GFPT2: variants seen among roughly 807,000 people sequenced by gnomAD.
GFPT2 encodes glutamine--fructose-6-phosphate aminotransferase [isomerizing] 2.
In GFPT2, 62 loss-of-function variants were observed where a neutral mutation model predicts 85.6. The ratio of observed to expected loss-of-function variants is 0.72; its 90% CI spans 0.59 to 0.90. GFPT2 has a LOEUF of 0.90. Among genes scored for constraint, GFPT2 ranks in the 40% least tolerant of loss-of-function variants. GFPT2 has a pLI of 0.00. For missense variants in GFPT2, 788 were observed against 893.4 expected, an observed-to-expected ratio of 0.88 and a Z score of 1.50; for synonymous variants, 368 against 344.5, an observed-to-expected ratio of 1.07 and a Z score of -0.75.
Position 180,312,439 on chromosome 5 carries a change from A to C in GFPT2, c.1537T>G (p.Ser513Ala), listed in dbSNP as rs780209779. The change falls in exon 15 of 19, where the codon TCT (serine) becomes GCT (alanine). Residue 513 changes from serine to alanine, a missense_variant. Transcript: ENST00000253778. Reference protein sequence around the residue: ...RRQEIIRGLRSLPELIKEVLS... With the variant: ...RRQEIIRGLRALPELIKEVLS... ...GAATTCTAGAACATACCAGGTAAAG[A>C]TCTCAAGCCACGGATGATCTCTTGC... The C allele has an allele frequency of 1.9e-6, 3 of 1,570,332 alleles. No individual in the cohort carries two copies. The highest frequency in any genetic ancestry group is 1.8e-6 in the Non-Finnish European group (2 of 1,139,974).
chr5:180,339,665 C>T (rs1406298674), intron 1 of GFPT2, among the ~76,000 whole-genome samples: 1 of 152,204 alleles, frequency 6.6e-6, no homozygotes, highest in Non-Finnish European at 1.5e-5. Context: ...CCCATCATCC[C>T]TCTGTCCTTT....
In GFPT2 at chr5:180,344,542, A is replaced by G. The variant is rs116093758; in HGVS notation, c.8-5942T>C. 4.5e-3 allele frequency among the ~76,000 whole-genome samples: 683 copies of G among 152,366 alleles called. 5 individuals carry two copies. Among genetic ancestry groups the G allele is most frequent in the African/African-American group, 0.016 (658 of 41,586 alleles). Reference sequence around the variant, plus strand: ...GTTTGGACAGTGGTGTACATGACGCAGACCTGCCTGGTTCACCTGGATTTC... The same window carrying G: ...GTTTGGACAGTGGTGTACATGACGCGGACCTGCCTGGTTCACCTGGATTTC... On this transcript the variant is annotated intron_variant, in intron 1 of 18. Coordinates refer to ENST00000253778, the MANE Select transcript of GFPT2 (RefSeq NM_005110.4).
chr5:180,352,455 C>A (rs1764729246), intron 1 of GFPT2: 2 of 452,596 alleles, frequency 4.4e-6, no homozygotes, highest in East Asian at 1.4e-4. Context: ...CAGATGTGCG[C>A]TCCGGGCCGC....
Position 180,313,478 on chromosome 5 carries a change from T to G in GFPT2, c.1431+329A>C, listed in dbSNP as rs1763936110. 4.0e-5 allele frequency among the ~76,000 whole-genome samples: 6 copies of G among 150,236 alleles called. No homozygotes were observed. The South Asian group carries it at 1.3e-3, about 32-fold the overall frequency. On this transcript the variant is annotated intron_variant, in intron 14 of 18. Transcript: ENST00000253778. ...TGGGGCGGGTGCCTGTAGTCCCAGC[T>G]ACTCGGGAGGCTGAGGCAGGAGAAT...
At chr5:180,314,069 G>A in intron 13 of GFPT2, 105 bp from the exon 14 acceptor site, 1 of 1,143,496 alleles carries the variant, frequency 8.7e-7, no homozygotes, top group Non-Finnish European at 1.2e-6. Flanking sequence ...CGGCGCCCGA[G>A]ACACAGCCAG....
intron 9 of GFPT2, among the ~76,000 whole-genome samples, chr5:180,322,406 A>G (rs1045272381): frequency 4.6e-5 from 7 of 152,132 alleles, no homozygotes; most frequent in Non-Finnish European, 1.0e-4. Flanking sequence ...ACTTCTCCAA[A>G]TATGTTCTAG....
At chr5:180,314,384 T>C (rs919121774) in intron 13 of GFPT2, among the ~76,000 whole-genome samples, 1 of 152,196 alleles carries the variant, frequency 6.6e-6, no homozygotes, top group Non-Finnish European at 1.5e-5. Flanking sequence ...CAAGCAGGAA[T>C]GTCCCCAAGT....
chr5:180,301,266 A>T lies in GFPT2; in HGVS notation c.*298T>A. 2.3e-6 allele frequency: 1 copy of T among 441,748 alleles called. No homozygotes were observed. Among genetic ancestry groups the T allele is most frequent in the South Asian group, 6.5e-5 (1 of 15,438 alleles). 27.4% of individuals were successfully genotyped at this position (441,748 alleles called of 1,614,324 possible). A position where few individuals can be genotyped will look rare whatever the true frequency, so the allele number is the denominator to read the frequency against. Reference sequence around the variant, plus strand: ...AAACTAACTCTAGTGTTGGTTATAAAAGGTTCACAGTTACTCTGAAGAGAG... The same window carrying T: ...AAACTAACTCTAGTGTTGGTTATAATAGGTTCACAGTTACTCTGAAGAGAG... On this transcript the variant is annotated 3_prime_UTR_variant, in exon 19 of 19. Transcript: ENST00000253778.
intron 14 of GFPT2, among the ~76,000 whole-genome samples, chr5:180,313,382 G>A (rs893560575): frequency 1.3e-5 from 2 of 150,656 alleles, no homozygotes; most frequent in Non-Finnish European, 3.0e-5. Context: ...ACGAGGTCAG[G>A]AGATCGAGAC....
At chr5:180,353,096 C>G (rs1764749025) in intron 1 of GFPT2, 115 bp downstream of exon 1, 1 of 876,248 alleles carries the variant, frequency 1.1e-6, no homozygotes, top group African/African-American at 1.7e-5. Context: ...CGGGGCAGAT[C>G]GGCGCCCCCA....
rs1214763664 is a variant in GFPT2 at position 180,330,565 on chromosome 5, C to T, written c.534+135G>A. ...GCTCTGCAGATGGGCTGTCTTTTAT[C>T]CCCAGGACTCTGTGCAAGTTTGTCT... is the stretch of plus-strand genomic sequence containing the variant. On this transcript the variant is annotated intron_variant, in intron 6 of 18. Coordinates refer to ENST00000253778, the MANE Select transcript of GFPT2 (RefSeq NM_005110.4). The surrounding 1 kb of genome is among the most constrained non-coding windows in gnomAD (Gnocchi z 4.4). 2 of 693,892 alleles carry T rather than the reference C, an allele frequency of 2.9e-6. No homozygotes were observed. The highest frequency in any genetic ancestry group is 3.6e-5 in the African/African-American group (2 of 56,038). 43.0% of individuals were successfully genotyped at this position (693,892 alleles called of 1,614,324 possible).
At chr5:180,337,050 T>G (rs948901053) in intron 2 of GFPT2, among the ~76,000 whole-genome samples, 6 of 152,256 alleles carry the variant, frequency 3.9e-5, no homozygotes, top group African/African-American at 1.4e-4. Flanking sequence ...GGCTGCATAA[T>G]TAAACAAGGT....
chr5:180,341,850 G>A (rs982202177), intron 1 of GFPT2, among the ~76,000 whole-genome samples: 1 of 152,128 alleles, frequency 6.6e-6, no homozygotes, highest in African/African-American at 2.4e-5. Context: ...AGGCTCACAC[G>A]ACAGCCCCCA....
intron 9 of GFPT2, 55 bp from the exon 10 acceptor site, chr5:180,319,011 A>C (rs1343028200): frequency 1.9e-6 from 3 of 1,558,378 alleles, no homozygotes; most frequent in Non-Finnish European, 2.6e-6. Flanking sequence ...GTTACGAGGC[A>C]GCAGCCCCTT....
chr5:180,326,225 T>C (rs1764210019), intron 7 of GFPT2, among the ~76,000 whole-genome samples: 1 of 152,170 alleles, frequency 6.6e-6, no homozygotes. Flanking sequence ...CAGGTAAAAG[T>C]GCAGTAGTTA....
chr5:180,304,923 G>A lies in GFPT2; in HGVS notation c.1691C>T (p.Thr564Ile), dbSNP rs1440725801. 1.2e-6 allele frequency: 2 copies of A among 1,609,202 alleles called. No homozygotes were observed. Among genetic ancestry groups the A allele is most frequent in the South Asian group, 1.1e-5 (1 of 91,012 alleles). The part of the protein sequence containing the change: ...LEGALKIKEI[T>I]YMHSEGILAG... ...CAGGATGCCTTCTGAGTGCATGTAG[G>A]TTATCTCTTTAATTTTCTGGAAACA... Residue 564 changes from threonine to isoleucine, a missense_variant, in exon 17 of 19, where the codon ACC becomes ATC. Thr to Ile is a moderately conservative substitution (Grantham distance 89, BLOSUM62 -1). Coordinates refer to ENST00000253778, the MANE Select transcript of GFPT2 (RefSeq NM_005110.4).
In GFPT2 at chr5:180,312,515, C is replaced by T. The variant is rs765408433; in HGVS notation, c.1461G>A (p.Val487=). Residue 487 remains valine (V), a synonymous_variant, in exon 15 of 19, where the codon GTG becomes GTA. Transcript: ENST00000253778. The part of the protein sequence containing the change: ...KAYTSQFISL[V]MFGLMMSEDR... Reference sequence around the variant, plus strand: ...CTTCAGACATCATCAAACCAAACATCACCAGAGAGATGAACTGACTGGTAT... The same window carrying T: ...CTTCAGACATCATCAAACCAAACATTACCAGAGAGATGAACTGACTGGTAT... 1.9e-5 allele frequency: 31 copies of T among 1,605,524 alleles called. No individual in the cohort carries two copies. The South Asian group carries it at 2.0e-4, about 10-fold the overall frequency.
Position 180,338,478 on chromosome 5 carries a change from C to A in GFPT2, c.115+15G>T. On this transcript the variant is annotated intron_variant, in intron 2 of 18. Coordinates refer to ENST00000253778, the MANE Select transcript of GFPT2 (RefSeq NM_005110.4). ...GCCCGGTCCCCAGCCACGAGGCGGGCGGCCGCACACCCACCTGCCGAGTCG... is the reference window on the plus strand; with the variant it reads ...GCCCGGTCCCCAGCCACGAGGCGGGAGGCCGCACACCCACCTGCCGAGTCG... The A allele has an allele frequency of 6.8e-7, 1 of 1,460,786 alleles. No individual in the cohort carries two copies. The highest frequency in any genetic ancestry group is 9.6e-7 in the Non-Finnish European group (1 of 1,043,516). 90.5% of individuals were successfully genotyped at this position (1,460,786 alleles called of 1,614,324 possible).
intron 1 of GFPT2, chr5:180,352,607 G>C (rs4627952): frequency 0.062 from 27,659 of 448,702 alleles, 1,227 homozygotes; most frequent in Middle Eastern, 0.14. Context: ...TCTTCCCCGC[G>C]CAAAGAGGCG....
Sources: gnomAD v4.1 joint callset for allele counts (sites outside exome capture counted in the v4.1 genomes callset) on GRCh38, gnomAD v4.1.1 for gene constraint, Gnocchi (gnomAD v3.1) non-coding constraint, MANE v1.5 for transcripts, NCBI Gene and HGNC (gene_info 2026-07-23, HGNC 2026-07-21) for gene names.